The following EDARADD variants were observed in gnomAD, a reference collection of about 807,000 sequenced individuals.
EDARADD encodes EDAR associated via death domain, also known as ectodysplasin-A receptor-associated adapter protein.
Under a neutral mutation model 25.6 loss-of-function variants are expected in EDARADD, and 20 were observed. The observed-to-expected ratio is 0.78, with a 90% CI of 0.55 to 1.14. The LOEUF is 1.14. Ranked by LOEUF, EDARADD falls within the 50% of genes most tolerant of loss-of-function variation. The probability of loss-of-function intolerance (pLI) is 0.00; values close to 1 mark genes in which losing one functional copy is unlikely to be tolerated. For missense variants in EDARADD, 225 were observed against 270.1 expected (o/e 0.83, Z 1.17); for synonymous variants, 86 against 94.4 (o/e 0.91, Z 0.52).
chr1:236,467,252 G>A (rs987187921), intron 4 of EDARADD, among the ~76,000 whole-genome samples: 2 of 143,404 alleles, frequency 1.4e-5, no homozygotes, highest in East Asian at 2.3e-4. Flanking sequence ...AGGTTCTAAA[G>A]CCCAGGGCTT....
upstream of EDARADD, among the ~76,000 whole-genome samples, chr1:236,390,273 T>C (rs111511232): frequency 0.039 from 5,986 of 152,144 alleles, 142 homozygotes; most frequent in African/African-American, 0.066. Context: ...AACTTACTCA[T>C]GGCCGGGCGT....
At position 236,394,383 on chromosome 1, in the gene EDARADD, G is replaced by C; in HGVS notation, c.-62G>C. ...CCAGACAACCAGCGAGCATCTTCTC[G>C]CAATCTGTTGCTTCTTCCATGGCAA... On this transcript the variant is annotated 5_prime_UTR_variant, in exon 1 of 6. Coordinates refer to ENST00000334232, the MANE Select transcript of EDARADD (RefSeq NM_145861.4). 10 of 1,572,754 alleles carry C rather than the reference G, an allele frequency of 6.4e-6. No individual in the cohort carries two copies. Among genetic ancestry groups the C allele is most frequent in the Non-Finnish European group, 8.8e-6 (10 of 1,142,654 alleles).
In EDARADD at chr1:236,483,572, C is replaced by A; in HGVS notation, c.*923C>A. The A allele has an allele frequency of 7.3e-7, 1 of 1,365,522 alleles. No individual in the cohort carries two copies. Among genetic ancestry groups the A allele is most frequent in the Non-Finnish European group, 1.0e-6 (1 of 955,682 alleles). 84.6% of individuals were successfully genotyped at this position (1,365,522 alleles called of 1,614,324 possible). ...TTCCCCTGTACCACCACATCGCCGA[C>A]TTGTCTGGCAACTCCAAAGTCATCT... On this transcript the variant is annotated 3_prime_UTR_variant, in exon 6 of 6. Coordinates refer to ENST00000334232, the MANE Select transcript of EDARADD (RefSeq NM_145861.4).
intron 4 of EDARADD, among the ~76,000 whole-genome samples, chr1:236,453,977 A>C (rs1239509738): frequency 1.3e-5 from 2 of 152,206 alleles, no homozygotes; most frequent in Non-Finnish European, 2.9e-5. Flanking sequence ...GACTAGTTTT[A>C]TCTTGTTTCC....
chr1:236,483,784 T>TGG lies in EDARADD; in HGVS notation c.*1139_*1140dup. The TGG allele has an allele frequency of 7.5e-6, 11 of 1,468,314 alleles. No homozygotes were observed. In the South Asian group the frequency reaches 1.2e-4, roughly 17 times the overall value. The allele number at this position is 1,468,314 out of a possible 1,614,324, so 91.0% of individuals were successfully genotyped here. A position where few individuals can be genotyped will look rare whatever the true frequency, so the allele number is the denominator to read the frequency against. On this transcript the variant is annotated 3_prime_UTR_variant, in exon 6 of 6. Coordinates refer to ENST00000334232, the MANE Select transcript of EDARADD (RefSeq NM_145861.4). ...AAATATGGGAAAGATGCCACCGGTG[T>TGG]GGGGGATGGAGGCGCGTTTGCTCCC...
Position 236,395,380 on chromosome 1 carries a change from G to T in EDARADD, c.61+875G>T. Reference sequence around the variant, plus strand: ...GGCTCCCGCCCCGCGCCTCTGGAGGGAGGTACCGAGGGACGCGCAGCGAAG... The same window carrying T: ...GGCTCCCGCCCCGCGCCTCTGGAGGTAGGTACCGAGGGACGCGCAGCGAAG... On this transcript the variant is annotated intron_variant, in intron 1 of 5. Transcript: ENST00000334232. The surrounding 1 kb of genome is among the most constrained non-coding windows in gnomAD (Gnocchi z 6.9). 7.2e-7 allele frequency: 1 copy of T among 1,383,466 alleles called. No homozygotes were observed. 85.7% of individuals were successfully genotyped at this position (1,383,466 alleles called of 1,614,324 possible). A position where few individuals can be genotyped will look rare whatever the true frequency, so the allele number is the denominator to read the frequency against.
chr1:236,367,077 C>A (rs1368053837), intron 3 of EDARADD, among the ~76,000 whole-genome samples: 1 of 131,746 alleles, frequency 7.6e-6, no homozygotes. Context: ...GAGTGAGACT[C>A]CATCGCCAAA....
intron 3 of EDARADD, among the ~76,000 whole-genome samples, chr1:236,426,470 G>T (rs1057441441): frequency 6.6e-6 from 1 of 152,172 alleles, no homozygotes; most frequent in African/African-American, 2.4e-5. Flanking sequence ...TTGTACTTGA[G>T]AGCAGAGCAA....
rs1389094376 is a variant in EDARADD, at chr1:236,357,074, G to A, written c.-6+6235G>A. Among the ~76,000 whole-genome samples, 3 of 148,190 alleles carry A rather than the reference G, an allele frequency of 2.0e-5. No individual in the cohort carries two copies. In the Admixed American group the frequency reaches 2.0e-4, roughly 10 times the overall value. The stretch of plus-strand genomic sequence containing the variant: ...ACTCCAGCCTGGGCAACAAGAGTGA[G>A]GCTCTGTCTCAAATAAAAAATAAAA... On this transcript the variant is annotated intron_variant, in intron 3 of 7. Coordinates refer to the EDARADD transcript ENST00000439430.
Position 236,395,320 on chromosome 1 carries a change from C to G in EDARADD, c.61+815C>G, listed in dbSNP as rs1667493549. The G allele has an allele frequency of 7.8e-7, 1 of 1,279,556 alleles. No individual in the cohort carries two copies. The highest frequency in any genetic ancestry group is 9.9e-7 in the Non-Finnish European group (1 of 1,006,916). 79.3% of individuals were successfully genotyped at this position (1,279,556 alleles called of 1,614,324 possible). On this transcript the variant is annotated intron_variant, in intron 1 of 5. Transcript: ENST00000334232. The surrounding 1 kb of genome is among the most constrained non-coding windows in gnomAD (Gnocchi z 6.9). ...GGGGACGCCCGGGACACTCGGGGCCCCGCCTTGCGTCCCAGCCCCGGGTCG... is the reference window on the plus strand; with the variant it reads ...GGGGACGCCCGGGACACTCGGGGCCGCGCCTTGCGTCCCAGCCCCGGGTCG...
intron 3 of EDARADD, among the ~76,000 whole-genome samples, chr1:236,419,252 AGT>A (rs1455598899): frequency 6.6e-6 from 1 of 151,962 alleles, no homozygotes; most frequent in African/African-American, 2.4e-5. Flanking sequence ...TAATTAGCTG[AGT>A]GTAGTGGTGC....
At chr1:236,456,824 C>T (rs1294397732) in intron 4 of EDARADD, among the ~76,000 whole-genome samples, 6 of 150,910 alleles carry the variant, frequency 4.0e-5, no homozygotes, top group Admixed American at 6.6e-5. Context: ...CCTTGAACCC[C>T]GGCCCTGCAG....
At chr1:236,405,836 T>TC (rs1667713476) in intron 1 of EDARADD, among the ~76,000 whole-genome samples, 2 of 32,894 alleles carry the variant, frequency 6.1e-5, no homozygotes, top group African/African-American at 2.4e-4. Flanking sequence ...CTTCCTTCCT[T>TC]CCTTCCTTCC....
chr1:236,474,454 G>T (rs940096519), intron 5 of EDARADD, among the ~76,000 whole-genome samples: 10 of 152,034 alleles, frequency 6.6e-5, no homozygotes, highest in African/African-American at 2.4e-4. Context: ...AAAATATACA[G>T]GTCAAGCATC....
At chr1:236,428,807 C>T (rs35225725) in intron 4 of EDARADD, among the ~76,000 whole-genome samples, 2 of 149,836 alleles carry the variant, frequency 1.3e-5, no homozygotes, top group African/African-American at 4.9e-5. Context: ...GAGGTTGTAG[C>T]GAGCGGAGAT....
Position 236,394,479 on chromosome 1 carries a change from G to A in EDARADD, c.35G>A (p.Gly12Asp). 6.2e-7 allele frequency: 1 copy of A among 1,614,062 alleles called. No homozygotes were observed. The change falls in exon 1 of 6, where the codon GGC becomes GAC. Residue 12 changes from glycine to aspartate, a missense_variant. Gly to Asp is a moderately conservative substitution (Grantham distance 94, BLOSUM62 -1). Transcript: ENST00000334232. The stretch of plus-strand genomic sequence containing the variant: ...AGGACGACTAAACAGATGGGGAGAG[G>A]CACTAAAGCTCCTGGTCACCAAGAG... ...GLRTTKQMGR[G>D]TKAPGHQEDH...
intron 4 of EDARADD, among the ~76,000 whole-genome samples, chr1:236,464,441 T>TC (rs1553270200): frequency 2.4e-5 from 3 of 126,374 alleles, no homozygotes; most frequent in Admixed American, 8.6e-5. Context: ...TTTTTTTTTT[T>TC]TTTTTTTTTG....
chr1:236,483,786 G>A lies in EDARADD; in HGVS notation c.*1137G>A. Reference sequence around the variant, plus strand: ...ATATGGGAAAGATGCCACCGGTGTGGGGGATGGAGGCGCGTTTGCTCCCAA... The same window carrying A: ...ATATGGGAAAGATGCCACCGGTGTGAGGGATGGAGGCGCGTTTGCTCCCAA... On this transcript the variant is annotated 3_prime_UTR_variant, in exon 6 of 6. Transcript: ENST00000334232. 1 of 1,462,426 alleles carries A rather than the reference G, an allele frequency of 6.8e-7. No homozygotes were observed. Among genetic ancestry groups the A allele is most frequent in the Non-Finnish European group, 9.6e-7 (1 of 1,043,940 alleles). 90.6% of individuals were successfully genotyped at this position (1,462,426 alleles called of 1,614,324 possible).
chr1:236,432,269 G>A (rs1305370614), intron 4 of EDARADD, among the ~76,000 whole-genome samples: 1 of 151,790 alleles, frequency 6.6e-6, no homozygotes, highest in Non-Finnish European at 1.5e-5. Flanking sequence ...TGGTCCCATG[G>A]TCCCAGCTGC....
Sources: allele counts gnomAD v4.1 joint callset (sites outside exome capture counted in the v4.1 genomes callset), GRCh38; gene constraint gnomAD v4.1.1; non-coding constraint Gnocchi (gnomAD v3.1); transcripts MANE v1.5; gene names NCBI Gene and HGNC (gene_info 2026-07-23, HGNC 2026-07-21).